Variants in ADAT1 observed in about 807,000 individuals in gnomAD.
The protein encoded by ADAT1 is tRNA-specific adenosine deaminase 1.
Under a neutral mutation model 58.6 loss-of-function variants are expected in ADAT1, and 58 were observed. The ratio of observed to expected loss-of-function variants is 0.99; its 90% CI spans 0.80 to 1.23. The LOEUF is 1.23. Ranked by LOEUF, ADAT1 falls within the 50% of genes most tolerant of loss-of-function variation. The probability of loss-of-function intolerance (pLI) is 0.00; values close to 1 mark genes in which losing one functional copy is unlikely to be tolerated. For missense variants in ADAT1, 741 were observed against 608.6 expected, an observed-to-expected ratio of 1.22 and a Z score of -2.29; for synonymous variants, 254 against 220.8, an observed-to-expected ratio of 1.15 and a Z score of -1.33.
intron 8 of ADAT1, among the ~76,000 whole-genome samples, chr16:75,605,247 C>T (rs1398125076): frequency 6.6e-6 from 1 of 152,034 alleles, no homozygotes; most frequent in South Asian, 2.1e-4. Flanking sequence ...CGTACCATCA[C>T]GCCCAGCTAA....
At chr16:75,608,579 T>A (rs1401952323) in intron 7 of ADAT1, 11 of 581,748 alleles carry the variant, frequency 1.9e-5, no homozygotes, top group Non-Finnish European at 3.0e-5. Flanking sequence ...TTAAACAGAA[T>A]TTCTCACTGA....
rs2081981162 is a variant in ADAT1, at chr16:75,623,059, G to GT, written c.-679_-678insA. 2 of 126,878 alleles carry GT rather than the reference G, an allele frequency of 1.6e-5. No homozygotes were observed. The highest frequency in any genetic ancestry group is 3.1e-5 in the Non-Finnish European group (2 of 64,012). 7.9% of individuals were successfully genotyped at this position (126,878 alleles called of 1,614,324 possible). A position where few individuals can be genotyped will look rare whatever the true frequency, so the allele number is the denominator to read the frequency against. ...GCGGCTGCCAGGCCAGAGGCCCCGC[G>GT]CCAGGAGCTCTTCAGGCGCCGGCTG... On this transcript the variant is annotated 5_prime_UTR_variant, in exon 1 of 10. Coordinates refer to ENST00000564657, the MANE Select transcript of ADAT1 (RefSeq NM_001324445.2).
At position 75,599,932 on chromosome 16, in the gene ADAT1, C is replaced by T. The variant is rs1342036391; in HGVS notation, c.*284G>A. The T allele has an allele frequency of 8.7e-7, 1 of 1,151,594 alleles. No individual in the cohort carries two copies. The highest frequency in any genetic ancestry group is 1.6e-5 in the African/African-American group (1 of 62,992). 71.3% of individuals were successfully genotyped at this position (1,151,594 alleles called of 1,614,324 possible). ...AAACAGAGCTGCTGCAGAGTACTTT[C>T]AAAGCATCATGTTCCAAACTCTGAT... is the stretch of plus-strand genomic sequence containing the variant. On this transcript the variant is annotated 3_prime_UTR_variant, in exon 10 of 10. Transcript: ENST00000564657.
At position 75,597,356 on chromosome 16, in the gene ADAT1, C is replaced by T. The variant is rs1441834330; in HGVS notation, c.*2860G>A. 2.2e-6 allele frequency: 1 copy of T among 450,932 alleles called. No individual in the cohort carries two copies. Among genetic ancestry groups the T allele is most frequent in the Non-Finnish European group, 4.5e-6 (1 of 224,450 alleles). The allele number at this position is 450,932 out of a possible 1,614,324, so 27.9% of individuals were successfully genotyped here. ...GGAGGGAGAAACTGAAGTGATGCAG[C>T]CACAAGCCAAGGACTGCCAGGAGCC... On this transcript the variant is annotated 3_prime_UTR_variant, in exon 10 of 10. Coordinates refer to ENST00000564657, the MANE Select transcript of ADAT1 (RefSeq NM_001324445.2).
At chr16:75,603,835 C>G (rs765652777) in intron 8 of ADAT1, among the ~76,000 whole-genome samples, 2 of 152,194 alleles carry the variant, frequency 1.3e-5, no homozygotes, top group Non-Finnish European at 2.9e-5. Context: ...TGCAGTCTCA[C>G]TTTTACACAC....
chr16:75,610,779 A>G (rs1186815223), intron 6 of ADAT1, among the ~76,000 whole-genome samples: 2 of 152,064 alleles, frequency 1.3e-5, no homozygotes, highest in East Asian at 3.9e-4. Flanking sequence ...ACCACACTTG[A>G]GTGGTCATCT....
chr16:75,613,219 A>T (rs2081604569), intron 5 of ADAT1, among the ~76,000 whole-genome samples: 1 of 152,224 alleles, frequency 6.6e-6, no homozygotes, highest in Non-Finnish European at 1.5e-5. Flanking sequence ...GCAAAATGGA[A>T]TATTTTAACA....
In ADAT1 at chr16:75,597,781, G is replaced by A. The variant is rs1407189137; in HGVS notation, c.*2435C>T. 6.6e-6 allele frequency among the ~76,000 whole-genome samples: 1 copy of A among 152,186 alleles called. No individual in the cohort carries two copies. Among genetic ancestry groups the A allele is most frequent in the African/African-American group, 2.4e-5 (1 of 41,456 alleles). On this transcript the variant is annotated 3_prime_UTR_variant, in exon 10 of 10. Transcript: ENST00000564657. ...GCAACCTAGATCCCTTGCATGCACAGTTCACAATAGGATTCACGCTCCTAT... is the reference window on the plus strand; with the variant it reads ...GCAACCTAGATCCCTTGCATGCACAATTCACAATAGGATTCACGCTCCTAT...
At chr16:75,618,121 A>C (rs200260345) in intron 4 of ADAT1, among the ~76,000 whole-genome samples, 1 of 142,584 alleles carries the variant, frequency 7.0e-6, no homozygotes, top group Admixed American at 7.6e-5. Flanking sequence ...AAAAAAAAAA[A>C]AAAGAGAGAA....
intron 8 of ADAT1, among the ~76,000 whole-genome samples, chr16:75,605,563 T>C (rs1353633640): frequency 1.3e-5 from 2 of 152,152 alleles, no homozygotes; most frequent in Non-Finnish European, 2.9e-5. Context: ...GATTTTTGAC[T>C]GCAAGGTGGG....
At chr16:75,616,334 T>C (rs189945555) in intron 5 of ADAT1, among the ~76,000 whole-genome samples, 13 of 152,234 alleles carry the variant, frequency 8.5e-5, no homozygotes, top group African/African-American at 2.4e-4. Context: ...TGTATCTATA[T>C]TTTCAATTTG....
intron 4 of ADAT1, 79 bp downstream of exon 4, chr16:75,618,507 C>T (rs1329275918): frequency 1.2e-5 from 12 of 997,110 alleles, no homozygotes; most frequent in South Asian, 8.4e-5. Context: ...CTCTGTCCCC[C>T]CCAAAAAAAA....
chr16:75,599,102 G>C lies in ADAT1; in HGVS notation c.*1114C>G, dbSNP rs539313366. ...TTTTTTTTTTTTTTTTTTTTTTTGAGATAGGGTCTTGCTCTATCACCCAGG... is the reference window on the plus strand; with the variant it reads ...TTTTTTTTTTTTTTTTTTTTTTTGACATAGGGTCTTGCTCTATCACCCAGG... On this transcript the variant is annotated 3_prime_UTR_variant, in exon 10 of 10. Coordinates refer to ENST00000564657, the MANE Select transcript of ADAT1 (RefSeq NM_001324445.2). 1.8e-5 allele frequency: 9 copies of C among 501,162 alleles called. No homozygotes were observed. The East Asian group carries it at 1.6e-3, about 91-fold the overall frequency. The allele number at this position is 501,162 out of a possible 1,614,324, so 31.0% of individuals were successfully genotyped here.
intron 3 of ADAT1, 107 bp from the exon 4 acceptor site, chr16:75,618,747 G>T: frequency 1.5e-6 from 2 of 1,310,718 alleles, no homozygotes; most frequent in Non-Finnish European, 2.1e-6. Flanking sequence ...TGGTCATGTA[G>T]CTCCTGGAGA....
At chr16:75,622,312 A>C (rs1479116841) in intron 1 of ADAT1, 91 bp downstream of exon 1, 1 of 152,102 alleles carries the variant, frequency 6.6e-6, no homozygotes, top group Non-Finnish European at 1.5e-5. Context: ...AGGAAGTGAG[A>C]CCCTGTGACT....
intron 8 of ADAT1, 124 bp downstream of exon 8, chr16:75,608,100 G>A (rs1271291722): frequency 4.1e-6 from 3 of 737,288 alleles, no homozygotes; most frequent in Non-Finnish European, 7.0e-6. Context: ...GGAGAGGGAG[G>A]GATAGGTAGT....
In ADAT1 at chr16:75,599,155, C is replaced by G. The variant is rs2081156267; in HGVS notation, c.*1061G>C. 3.1e-6 allele frequency: 3 copies of G among 960,258 alleles called. No individual in the cohort carries two copies. Among genetic ancestry groups the G allele is most frequent in the South Asian group, 9.8e-5 (2 of 20,486 alleles). 59.5% of individuals were successfully genotyped at this position (960,258 alleles called of 1,614,324 possible). A position where few individuals can be genotyped will look rare whatever the true frequency, so the allele number is the denominator to read the frequency against. On this transcript the variant is annotated 3_prime_UTR_variant, in exon 10 of 10. Transcript: ENST00000564657. ...GGAGTGCAGCGGTACGATCTTTGCT[C>G]ACCACTACCTCCGCCTCCTGGGTTC...
chr16:75,607,652 T>G (rs753443226), intron 8 of ADAT1, among the ~76,000 whole-genome samples: 9 of 152,166 alleles, frequency 5.9e-5, no homozygotes, highest in Non-Finnish European at 1.0e-4. Context: ...ACAGCTGCTA[T>G]GGAAAACAGT....
Position 75,612,455 on chromosome 16 carries a change from C to T in ADAT1, c.831G>A (p.Ala277=), listed in dbSNP as rs377588702. 111 of 1,614,056 alleles carry T rather than the reference C, an allele frequency of 6.9e-5. No individual in the cohort carries two copies. The highest frequency in any genetic ancestry group is 8.7e-5 in the Non-Finnish European group (103 of 1,180,038). ...EAGDSGKPGA[A]FHQVGLLRVK... ...CTCGGAGCAGCCCCACCTGGTGAAA[C>T]GCAGCACCCGGCTTTCCGGAGTCTC... Residue 277 remains alanine, a synonymous_variant, in exon 6 of 10, where the codon GCG becomes GCA. Transcript: ENST00000564657.
Sources: gnomAD v4.1 joint callset for allele counts (sites outside exome capture counted in the v4.1 genomes callset) on GRCh38, gnomAD v4.1.1 for gene constraint, MANE v1.5 for transcripts, NCBI Gene and HGNC (gene_info 2026-07-23, HGNC 2026-07-21) for gene names.